The following RABGEF1 variants were observed in gnomAD, a reference collection of about 807,000 sequenced individuals.
The protein encoded by RABGEF1 is RAB guanine nucleotide exchange factor 1, also known as rab5 GDP/GTP exchange factor.
RABGEF1 carries 26 observed loss-of-function variants against 57.3 expected under a neutral mutation model. The observed-to-expected ratio is 0.45, with a 90% confidence interval of 0.33 to 0.63. RABGEF1 has a LOEUF of 0.63. Ranked by LOEUF, RABGEF1 falls within the 20% of genes least tolerant of loss-of-function variation. RABGEF1 has a pLI of 0.02. For synonymous variants in RABGEF1, 185 were observed against 210.7 expected, an observed-to-expected ratio of 0.88 and a Z score of 1.06; for missense variants, 464 against 607.6, an observed-to-expected ratio of 0.76 and a Z score of 2.48.
chr7:66,804,533 G>A (rs751336446), intron 7 of RABGEF1, among the ~76,000 whole-genome samples: 31 of 152,024 alleles, frequency 2.0e-4, no homozygotes, highest in Non-Finnish European at 2.5e-4. Context: ...TCAAGAGTTC[G>A]AGACCAGCCT....
chr7:66,729,304 T>C (rs1414005810), intron 2 of RABGEF1, among the ~76,000 whole-genome samples: 2 of 57,164 alleles, frequency 3.5e-5, no homozygotes, highest in Non-Finnish European at 7.3e-5. Flanking sequence ...CATCCTCCCC[T>C]CCATTCTTCG....
chr7:66,687,851 T>C (rs545512437), intron 1 of RABGEF1, among the ~76,000 whole-genome samples: 1 of 152,260 alleles, frequency 6.6e-6, no homozygotes, highest in South Asian at 2.1e-4. Flanking sequence ...TCTGGGAGGC[T>C]GAGGCGGGCA....
At chr7:66,664,275 A>G in the RABGEF1 span, among the ~76,000 whole-genome samples, 1 of 152,046 alleles carries the variant, frequency 6.6e-6, no homozygotes, top group Non-Finnish European at 1.5e-5. Flanking sequence ...CAGTGAACAC[A>G]GGCAACTCTT....
At chr7:66,688,576 G>A (rs149691664) in intron 1 of RABGEF1, among the ~76,000 whole-genome samples, 39 of 152,224 alleles carry the variant, frequency 2.6e-4, no homozygotes, top group African/African-American at 8.2e-4. Context: ...TTTTATAATC[G>A]TCATGGAATG....
intron 1 of RABGEF1, among the ~76,000 whole-genome samples, chr7:66,690,531 A>G (rs1002699043): frequency 6.6e-6 from 1 of 150,952 alleles, no homozygotes. Flanking sequence ...CCTGGGCAAC[A>G]TAGTGAAACC....
At chr7:66,656,679 C>T in the RABGEF1 span, among the ~76,000 whole-genome samples, 3 of 151,982 alleles carry the variant, frequency 2.0e-5, no homozygotes, top group South Asian at 6.2e-4. Context: ...AATTAGCCGG[C>T]TGTGATGGCA....
the RABGEF1 span, among the ~76,000 whole-genome samples, chr7:66,670,891 G>A: frequency 1.1e-4 from 13 of 122,904 alleles, no homozygotes; most frequent in East Asian, 8.2e-4. Flanking sequence ...ATACACATAC[G>A]TATACACACA....
chr7:66,786,326 C>T (rs185854762), intron 4 of RABGEF1, among the ~76,000 whole-genome samples: 7 of 152,340 alleles, frequency 4.6e-5, no homozygotes, highest in African/African-American at 1.4e-4. Flanking sequence ...TCAGCACCTA[C>T]GTAATTTTCA....
chr7:66,708,988 G>A (rs1476153985), intron 1 of RABGEF1, among the ~76,000 whole-genome samples: 1 of 151,414 alleles, frequency 6.6e-6, no homozygotes, highest in Non-Finnish European at 1.5e-5. Context: ...ACTTGATTCT[G>A]CATCAGTAGT....
chr7:66,725,164 T>G (rs531457635), intron 2 of RABGEF1, among the ~76,000 whole-genome samples: 1 of 152,350 alleles, frequency 6.6e-6, no homozygotes, highest in South Asian at 2.1e-4. Context: ...TCCCACTTCC[T>G]TACATGTCTG....
upstream of RABGEF1, among the ~76,000 whole-genome samples, chr7:66,736,862 AAAAAC>A (rs905540383): frequency 6.6e-5 from 10 of 152,276 alleles, no homozygotes; most frequent in South Asian, 1.9e-3. Context: ...CTCCATCTCA[AAAAAC>A]AAAACAAAAC....
chr7:66,657,904 A>T, the RABGEF1 span, among the ~76,000 whole-genome samples: 1 of 152,186 alleles, frequency 6.6e-6, no homozygotes. Flanking sequence ...GGATCTAGAA[A>T]AAGAAGAGCT....
intron 2 of RABGEF1, among the ~76,000 whole-genome samples, chr7:66,722,981 T>G (rs1230202718): frequency 6.6e-6 from 1 of 152,094 alleles, no homozygotes; most frequent in African/African-American, 2.4e-5. Context: ...TTTTTTCTTT[T>G]TTTTTGAGAT....
intron 1 of RABGEF1, among the ~76,000 whole-genome samples, chr7:66,767,348 G>A (rs1392097532): frequency 6.6e-6 from 1 of 151,894 alleles, no homozygotes; most frequent in African/African-American, 2.4e-5. Context: ...TGATCTGGGA[G>A]GAGTATAATG....
chr7:66,760,155 A>C (rs908121274), intron 1 of RABGEF1, among the ~76,000 whole-genome samples: 1 of 152,158 alleles, frequency 6.6e-6, no homozygotes, highest in African/African-American at 2.4e-5. Flanking sequence ...TGCTGGGTTA[A>C]CTGCTTACAC....
At chr7:66,779,213 A>G (rs1809274717) in intron 3 of RABGEF1, among the ~76,000 whole-genome samples, 1 of 152,022 alleles carries the variant, frequency 6.6e-6, no homozygotes, top group Non-Finnish European at 1.5e-5. Flanking sequence ...TTAGTAAAAT[A>G]GAGAAATACG....
intron 1 of RABGEF1, among the ~76,000 whole-genome samples, chr7:66,686,779 G>A (rs561697331): frequency 1.2e-4 from 18 of 152,010 alleles, no homozygotes; most frequent in African/African-American, 4.3e-4. Context: ...GACTGTCAGT[G>A]GGATAGGAAG....
At chr7:66,655,366 G>C in the RABGEF1 span, among the ~76,000 whole-genome samples, 2 of 140,416 alleles carry the variant, frequency 1.4e-5, no homozygotes, top group Admixed American at 1.4e-4. Context: ...GTCTCAGCGC[G>C]GGTGACCAGT....
chr7:66,762,286 A>C (rs954876293), intron 1 of RABGEF1, among the ~76,000 whole-genome samples: 5 of 152,200 alleles, frequency 3.3e-5, no homozygotes, highest in African/African-American at 1.2e-4. Flanking sequence ...AATAAAAAAT[A>C]TTTATTAGAA....
Sources: allele counts gnomAD v4.1 joint callset (sites outside exome capture counted in the v4.1 genomes callset), GRCh38; gene constraint gnomAD v4.1.1; transcripts MANE v1.5; gene names NCBI Gene and HGNC (gene_info 2026-07-23, HGNC 2026-07-21).